The following KIRREL3 variants were observed in gnomAD, a reference collection of about 807,000 sequenced individuals.
The protein encoded by KIRREL3 is kirre like nephrin family adhesion molecule 3, also known as kin of IRRE-like protein 3.
In KIRREL3, 36 loss-of-function variants were observed where a neutral mutation model predicts 89.7. That is an observed-to-expected ratio of 0.40 (90% confidence interval 0.31 to 0.53). The LOEUF (loss-of-function observed/expected upper bound fraction) is 0.53. KIRREL3 is among the 20% of genes least tolerant of loss of function. The probability of loss-of-function intolerance (pLI) is 0.49; values close to 1 mark genes in which losing one functional copy is unlikely to be tolerated. For synonymous variants in KIRREL3, 445 were observed against 441.4 expected (o/e 1.01, Z -0.10); for missense variants, 864 against 1,056.6 (o/e 0.82, Z 2.53).
rs866223667 is a variant in KIRREL3, at chr11:126,489,708, G to A, written c.434-16242C>T. Among the ~76,000 whole-genome samples the A allele has an allele frequency of 5.9e-5, 9 of 152,078 alleles. No individual in the cohort carries two copies. The South Asian group carries it at 1.9e-3, about 32-fold the overall frequency. Reference sequence around the variant, plus strand: ...TCCACCTTCCACCACCCCTTTCTCAGGGGCCCATCAGCTAGGCCTAGCAGC... The same window carrying A: ...TCCACCTTCCACCACCCCTTTCTCAAGGGCCCATCAGCTAGGCCTAGCAGC... On this transcript the variant is annotated intron_variant, in intron 4 of 16. Coordinates refer to ENST00000525144, the MANE Select transcript of KIRREL3 (RefSeq NM_032531.4). The surrounding 1 kb of genome is among the most constrained non-coding windows in gnomAD (Gnocchi z 5.5).
intron 7 of KIRREL3, among the ~76,000 whole-genome samples, chr11:126,451,333 AGT>A (rs1159376871): frequency 3.7e-5 from 4 of 108,752 alleles, no homozygotes; most frequent in South Asian, 3.0e-4. Flanking sequence ...TGCATTAGTG[AGT>A]GTGTGCATGT....
In KIRREL3 at chr11:126,796,832, G is replaced by C. The variant is rs1950827682; in HGVS notation, c.55+203623C>G. 6.6e-6 allele frequency among the ~76,000 whole-genome samples: 1 copy of C among 152,062 alleles called. No individual in the cohort carries two copies. Reference sequence around the variant, plus strand: ...TTTCCCACCCCTGCTTTTTAAAAATGTTGGTGCTCCAATTAGAGCTGTACC... The same window carrying C: ...TTTCCCACCCCTGCTTTTTAAAAATCTTGGTGCTCCAATTAGAGCTGTACC... On this transcript the variant is annotated intron_variant, in intron 1 of 16. Transcript: ENST00000525144. This position sits in a 1 kb window ranked among gnomAD's most constrained non-coding sequence, Gnocchi z 5.1.
In KIRREL3 at chr11:126,796,786, C is replaced by CT. The variant is rs1436172845; in HGVS notation, c.55+203668dup. Among the ~76,000 whole-genome samples the CT allele has an allele frequency of 6.6e-6, 1 of 152,154 alleles. No homozygotes were observed. ...AACTTCCCAGGCTGAAGCTATCCTC[C>CT]TACCTCAGCCTGGCTGATTTTTTCC... On this transcript the variant is annotated intron_variant, in intron 1 of 16. Coordinates refer to ENST00000525144, the MANE Select transcript of KIRREL3 (RefSeq NM_032531.4). The surrounding 1 kb of genome is among the most constrained non-coding windows in gnomAD (Gnocchi z 5.1).
chr11:126,712,841 C>T lies in KIRREL3; in HGVS notation c.56-149929G>A, dbSNP rs117502395. Among the ~76,000 whole-genome samples, 441 of 152,300 alleles carry T rather than the reference C, an allele frequency of 2.9e-3. 1 individual carries two copies. In the Middle Eastern group the frequency reaches 0.037, roughly 13 times the overall value. On this transcript the variant is annotated intron_variant, in intron 1 of 16. Coordinates refer to ENST00000525144, the MANE Select transcript of KIRREL3 (RefSeq NM_032531.4). ...ATGGTCCAGAGGCCATTCAGATCCCCGCACCAGTCACTGAAAAGAAACCAG... is the reference window on the plus strand; with the variant it reads ...ATGGTCCAGAGGCCATTCAGATCCCTGCACCAGTCACTGAAAAGAAACCAG...
intron 1 of KIRREL3, among the ~76,000 whole-genome samples, chr11:126,717,162 T>C (rs1947997292): frequency 6.6e-6 from 1 of 152,186 alleles, no homozygotes; most frequent in African/African-American, 2.4e-5. Flanking sequence ...GTCCTTACCT[T>C]CAAGGCTGTC....
rs1591711245 is a variant in KIRREL3, at chr11:126,544,850, G to T, written c.133+17985C>A. On this transcript the variant is annotated intron_variant, in intron 2 of 16. Transcript: ENST00000525144. The surrounding 1 kb of genome is among the most constrained non-coding windows in gnomAD (Gnocchi z 5.6). ...CCTGGCCTTAATCTGCTTGAGCAAAGTCTGTCTTTGTTTGGCCATGCACTG... is the reference window on the plus strand; with the variant it reads ...CCTGGCCTTAATCTGCTTGAGCAAATTCTGTCTTTGTTTGGCCATGCACTG... 1.3e-5 allele frequency among the ~76,000 whole-genome samples: 2 copies of T among 152,114 alleles called. No homozygotes were observed. The highest frequency in any genetic ancestry group is 4.8e-5 in the African/African-American group (2 of 41,410).
intron 1 of KIRREL3, among the ~76,000 whole-genome samples, chr11:126,799,234 CTGTGTGTGGA>C (rs1301053542): frequency 1.1e-5 from 1 of 91,242 alleles, no homozygotes; most frequent in South Asian, 3.3e-4. Flanking sequence ...ATCTGTGTAT[CTGTGTGTGGA>C]TGTGTGTATC....
intron 11 of KIRREL3, among the ~76,000 whole-genome samples, chr11:126,439,338 AAG>A (rs1955474003): frequency 6.6e-6 from 1 of 151,724 alleles, no homozygotes; most frequent in South Asian, 2.1e-4. Flanking sequence ...TCAAAAAAGA[AAG>A]AGGGAAAAAA....
At chr11:126,617,827 G>A (rs577768801) in intron 1 of KIRREL3, among the ~76,000 whole-genome samples, 2 of 152,336 alleles carry the variant, frequency 1.3e-5, no homozygotes, top group African/African-American at 4.8e-5. Flanking sequence ...TTTGAACTCA[G>A]ATCTGTCTGA....
rs1342454396 is a variant in KIRREL3 at position 126,519,923 on chromosome 11, T to C, written c.433+1392A>G. On this transcript the variant is annotated intron_variant, in intron 4 of 16. Transcript: ENST00000525144. The surrounding 1 kb of genome is among the most constrained non-coding windows in gnomAD (Gnocchi z 4.3). ...CCTCGGAAGGCCCGCTTCCCGGCCATGGAATCCCAACTTATTTACCCCCGC... is the reference window on the plus strand; with the variant it reads ...CCTCGGAAGGCCCGCTTCCCGGCCACGGAATCCCAACTTATTTACCCCCGC... Among the ~76,000 whole-genome samples the C allele has an allele frequency of 6.6e-6, 1 of 152,184 alleles. No individual in the cohort carries two copies. The highest frequency in any genetic ancestry group is 2.4e-5 in the African/African-American group (1 of 41,448).
chr11:126,792,868 C>T (rs1485432524), intron 1 of KIRREL3, among the ~76,000 whole-genome samples: 2 of 152,168 alleles, frequency 1.3e-5, no homozygotes, highest in Non-Finnish European at 2.9e-5. Flanking sequence ...CTACCAATAA[C>T]AACAGCAAAA....
rs372442814 is a variant in KIRREL3, at chr11:126,862,620, C to A, written c.55+137835G>T. 2.1e-4 allele frequency among the ~76,000 whole-genome samples: 32 copies of A among 152,334 alleles called. 1 individual carries two copies. The highest frequency in any genetic ancestry group is 7.5e-4 in the African/African-American group (31 of 41,578). The stretch of plus-strand genomic sequence containing the variant: ...GAATGAAGAGGTTCACTGCTCTCCA[C>A]GCTGCGTCAACAGAGCGAGTGTTGC... On this transcript the variant is annotated intron_variant, in intron 1 of 16. Coordinates refer to ENST00000525144, the MANE Select transcript of KIRREL3 (RefSeq NM_032531.4).
At chr11:126,854,619 G>T (rs1443794742) in intron 1 of KIRREL3, among the ~76,000 whole-genome samples, 1 of 152,084 alleles carries the variant, frequency 6.6e-6, no homozygotes, top group Non-Finnish European at 1.5e-5. Context: ...TTATCCATTT[G>T]TCCATTGATA....
rs190152124 is a variant in KIRREL3, at chr11:126,576,240, C to A, written c.56-13328G>T. On this transcript the variant is annotated intron_variant, in intron 1 of 16. Coordinates refer to ENST00000525144, the MANE Select transcript of KIRREL3 (RefSeq NM_032531.4). This position sits in a 1 kb window ranked among gnomAD's most constrained non-coding sequence, Gnocchi z 5.4. ...GTTTGAGAATGGGACTTCCTCCTAC[C>A]TTCATTTGTCCTTCCTTTTACAGAA... 6.6e-6 allele frequency among the ~76,000 whole-genome samples: 1 copy of A among 152,208 alleles called. No individual in the cohort carries two copies. The highest frequency in any genetic ancestry group is 1.5e-5 in the Non-Finnish European group (1 of 68,044).
Position 126,575,895 on chromosome 11 carries a change from C to T in KIRREL3, c.56-12983G>A, listed in dbSNP as rs193218318. ...GGCATCCCCTCCTCTGGACACCACC[C>T]CCCGCCAACTGCCTTATTCATACCT... On this transcript the variant is annotated intron_variant, in intron 1 of 16. Coordinates refer to ENST00000525144, the MANE Select transcript of KIRREL3 (RefSeq NM_032531.4). The surrounding 1 kb of genome is among the most constrained non-coding windows in gnomAD (Gnocchi z 7.0). 1.3e-5 allele frequency among the ~76,000 whole-genome samples: 2 copies of T among 152,224 alleles called. No individual in the cohort carries two copies. Among genetic ancestry groups the T allele is most frequent in the Non-Finnish European group, 2.9e-5 (2 of 68,036 alleles).
At chr11:126,701,406 C>T (rs1223964275) in intron 1 of KIRREL3, among the ~76,000 whole-genome samples, 1 of 151,944 alleles carries the variant, frequency 6.6e-6, no homozygotes, top group Non-Finnish European at 1.5e-5. Context: ...CACGCTGTTA[C>T]AAAAGGACAT....
At position 126,906,618 on chromosome 11, in the gene KIRREL3, C is replaced by T. The variant is rs1946594402; in HGVS notation, c.55+93837G>A. ...TTGCTTCAGATCTCCTTTCCTTTCACTGTTTTTTTTAGCATGTATGGGAAC... is the reference window on the plus strand; with the variant it reads ...TTGCTTCAGATCTCCTTTCCTTTCATTGTTTTTTTTAGCATGTATGGGAAC... On this transcript the variant is annotated intron_variant, in intron 1 of 16. Transcript: ENST00000525144. This position sits in a 1 kb window ranked among gnomAD's most constrained non-coding sequence, Gnocchi z 4.1. Among the ~76,000 whole-genome samples, 1 of 105,558 alleles carries T rather than the reference C, an allele frequency of 9.5e-6. No homozygotes were observed. The highest frequency in any genetic ancestry group is 3.3e-5 in the African/African-American group (1 of 30,374). The allele number at this position is 105,558 out of a possible 152,430, so 69.3% of individuals were successfully genotyped here. A position where few individuals can be genotyped will look rare whatever the true frequency, so the allele number is the denominator to read the frequency against.
rs541946883 is a variant in KIRREL3, at chr11:126,671,209, C to T, written c.56-108297G>A. 2.0e-5 allele frequency among the ~76,000 whole-genome samples: 3 copies of T among 151,070 alleles called. No homozygotes were observed. In the East Asian group the frequency reaches 5.8e-4, roughly 29 times the overall value. ...AGAAAACACTGGAGAAAATCTATGG[C>T]CTTAGATTGGTGATGAGTTTTTCTC... On this transcript the variant is annotated intron_variant, in intron 1 of 16. Transcript: ENST00000525144.
intron 1 of KIRREL3, among the ~76,000 whole-genome samples, chr11:126,799,251 T>C (rs1950921611): frequency 6.9e-6 from 1 of 145,416 alleles, no homozygotes; most frequent in Admixed American, 6.9e-5. Context: ...TGGATGTGTG[T>C]ATCTGTGTGC....
Sources: gnomAD v4.1 joint callset for allele counts (sites outside exome capture counted in the v4.1 genomes callset) on GRCh38, gnomAD v4.1.1 for gene constraint, Gnocchi (gnomAD v3.1) non-coding constraint, MANE v1.5 for transcripts, NCBI Gene and HGNC (gene_info 2026-07-23, HGNC 2026-07-21) for gene names.